Variants in KIAA0825 observed in about 807,000 individuals in gnomAD.
The protein encoded by KIAA0825 is uncharacterized protein KIAA0825.
KIAA0825 carries 119 observed loss-of-function variants against 147.6 expected under a neutral mutation model. That is an observed-to-expected ratio of 0.81 (90% CI 0.69 to 0.94). The LOEUF (loss-of-function observed/expected upper bound fraction) is 0.94, where lower values mean the gene tolerates loss of function less well. Ranked by LOEUF, KIAA0825 falls within the 40% of genes least tolerant of loss-of-function variation. The probability of loss-of-function intolerance (pLI) is 0.00; values close to 1 mark genes in which losing one functional copy is unlikely to be tolerated. For missense variants in KIAA0825, 1,381 were observed against 1,472.7 expected (o/e 0.94, Z 1.02); for synonymous variants, 470 against 518.1 (o/e 0.91, Z 1.26).
chr5:94,372,646 A>C (rs549715179), intron 20 of KIAA0825, among the ~76,000 whole-genome samples: 1 of 152,294 alleles, frequency 6.6e-6, no homozygotes, highest in African/African-American at 2.4e-5. Context: ...CAGGCCACAA[A>C]GCATTTTTCC....
intron 20 of KIAA0825, among the ~76,000 whole-genome samples, chr5:94,165,549 C>T (rs567095678): frequency 8.4e-4 from 128 of 152,270 alleles, no homozygotes; most frequent in Non-Finnish European, 1.7e-3. Context: ...AAAGAGATAT[C>T]TATACTCCTA....
At chr5:94,508,240 G>A (rs143392026) in intron 5 of KIAA0825, among the ~76,000 whole-genome samples, 159 of 152,080 alleles carry the variant, frequency 1.0e-3, no homozygotes, top group African/African-American at 3.6e-3. Flanking sequence ...CATAGCAGCT[G>A]TAATACACAA....
At chr5:94,394,118 T>C (rs1750306572) in intron 17 of KIAA0825, among the ~76,000 whole-genome samples, 1 of 151,892 alleles carries the variant, frequency 6.6e-6, no homozygotes, top group Non-Finnish European at 1.5e-5. Flanking sequence ...TCCCAAAATG[T>C]GGGGATTACA....
At chr5:94,456,411 C>T (rs1470009959) in intron 12 of KIAA0825, among the ~76,000 whole-genome samples, 1 of 152,166 alleles carries the variant, frequency 6.6e-6, no homozygotes, top group African/African-American at 2.4e-5. Flanking sequence ...CCTCATCCCC[C>T]CTCTATGCCC....
rs551494979 is a variant in KIAA0825 at position 94,364,509 on chromosome 5, G to A, written c.3710+19859C>T. On this transcript the variant is annotated intron_variant, in intron 20 of 20. Coordinates refer to ENST00000682413, the MANE Select transcript of KIAA0825 (RefSeq NM_001145678.3). ...CCATTCTCCTGCCTCAGCCTCCCGA[G>A]TAGCTGGGACTACAGGCACCTGACA... 2.1e-3 allele frequency among the ~76,000 whole-genome samples: 318 copies of A among 152,060 alleles called. 3 individuals carry two copies. Among genetic ancestry groups the A allele is most frequent in the Admixed American group, 6.3e-3 (96 of 15,274 alleles).
At chr5:94,515,773 C>CA (rs1283670837) in intron 5 of KIAA0825, among the ~76,000 whole-genome samples, 2 of 136,744 alleles carry the variant, frequency 1.5e-5, no homozygotes, top group African/African-American at 6.6e-5. Flanking sequence ...GCCTGGGCAA[C>CA]AGAGGGAGAC....
chr5:94,462,449 A>T lies in KIAA0825; in HGVS notation c.2184T>A (p.Thr728=). 1 of 1,511,206 alleles carries T rather than the reference A, an allele frequency of 6.6e-7. No homozygotes were observed. 93.6% of individuals were successfully genotyped at this position (1,511,206 alleles called of 1,614,324 possible). Residue 728 remains threonine, a synonymous_variant, in exon 12 of 21, where the codon ACT becomes ACA. Transcript: ENST00000682413. The part of the protein sequence containing the change: ...HTDDKIFKIH[T]HCNNLFTTLV... ...ATGTTGTAAACAGATTATTACAATG[A>T]GTGTGAATTTTAAAAATTTTATCAT... is the stretch of plus-strand genomic sequence containing the variant.
intron 20 of KIAA0825, among the ~76,000 whole-genome samples, chr5:94,284,699 C>T (rs925152514): frequency 6.6e-6 from 1 of 152,048 alleles, no homozygotes; most frequent in African/African-American, 2.4e-5. Flanking sequence ...ACATCTTTCC[C>T]TTTTTTTCCT....
At chr5:94,154,195 C>A in intron 20 of KIAA0825, 71 bp from the exon 21 acceptor site, 2 of 926,342 alleles carry the variant, frequency 2.2e-6, no homozygotes, top group Non-Finnish European at 3.4e-6. Flanking sequence ...TTAATCAAGT[C>A]TTGAATATGT....
Position 94,152,900 on chromosome 5 carries a change from ATAT to A in KIAA0825, c.*1104_*1106del, listed in dbSNP as rs1562284308. On this transcript the variant is annotated 3_prime_UTR_variant, in exon 21 of 21. Transcript: ENST00000682413. ...TATATATATATATATATATATATAT[ATAT>A]GGTTTCTCCCAGACGTTCTTAGACT... The A allele has an allele frequency of 3.8e-3, 156 of 41,502 alleles. 52 individuals are homozygous for A. Among genetic ancestry groups the A allele is most frequent in the South Asian group, 8.6e-3 (6 of 698 alleles). The allele number at this position is 41,502 out of a possible 1,614,324, so 2.6% of individuals were successfully genotyped here.
chr5:94,503,792 G>A (rs1765375072), intron 5 of KIAA0825, among the ~76,000 whole-genome samples: 1 of 152,112 alleles, frequency 6.6e-6, no homozygotes, highest in African/African-American at 2.4e-5. Flanking sequence ...CCTGCCACTG[G>A]GAAGCAAATA....
intron 20 of KIAA0825, among the ~76,000 whole-genome samples, chr5:94,176,309 A>T (rs1769097538): frequency 6.6e-6 from 1 of 152,128 alleles, no homozygotes; most frequent in South Asian, 2.1e-4. Flanking sequence ...ACTTTCTGCT[A>T]TGAGTGGAAG....
At chr5:94,554,971 AAT>A (rs905195462) in intron 2 of KIAA0825, among the ~76,000 whole-genome samples, 1 of 151,628 alleles carries the variant, frequency 6.6e-6, no homozygotes, top group Non-Finnish European at 1.5e-5. Flanking sequence ...ACAAAAAATT[AAT>A]ATTTTACCTC....
intron 5 of KIAA0825, among the ~76,000 whole-genome samples, chr5:94,516,256 T>A (rs907318677): frequency 6.6e-6 from 1 of 152,210 alleles, no homozygotes; most frequent in Non-Finnish European, 1.5e-5. Flanking sequence ...GCAGACAGAA[T>A]GCACTGTGGG....
At chr5:94,482,416 T>G (rs1366267676) in intron 6 of KIAA0825, among the ~76,000 whole-genome samples, 6 of 152,110 alleles carry the variant, frequency 3.9e-5, no homozygotes, top group Admixed American at 3.9e-4. Context: ...TTCCAAGATC[T>G]TTATTAGCAA....
Position 94,154,097 on chromosome 5 carries a change from T to G in KIAA0825, c.3738A>C (p.Leu1246=), listed in dbSNP as rs1411383734. ...CCAGTATTGCTTTTTCTTCCTCTTC[T>G]AGTGTTTCATCCTTCTTCATTTCCC... ...NRWEMKKDET[L]EEEEKAILEH... is the part of the protein sequence containing the mutation. The change falls in exon 21 of 21, where the codon CTA becomes CTC. Residue 1246 remains leucine, a synonymous_variant. Transcript: ENST00000682413. 1 of 1,551,314 alleles carries G rather than the reference T, an allele frequency of 6.4e-7. No individual in the cohort carries two copies. Among genetic ancestry groups the G allele is most frequent in the Non-Finnish European group, 8.7e-7 (1 of 1,146,724 alleles).
At chr5:94,432,528 G>T (rs1019994638) in intron 14 of KIAA0825, among the ~76,000 whole-genome samples, 1 of 152,176 alleles carries the variant, frequency 6.6e-6, no homozygotes, top group Non-Finnish European at 1.5e-5. Flanking sequence ...TTCTTGGATA[G>T]GATCTTTGGA....
intron 20 of KIAA0825, among the ~76,000 whole-genome samples, 190 bp from the exon 21 acceptor site, chr5:94,154,314 G>A (rs1354697081): frequency 6.6e-6 from 1 of 152,128 alleles, no homozygotes; most frequent in African/African-American, 2.4e-5. Context: ...CAGGAGAGTG[G>A]GAGACAAAAG....
intron 20 of KIAA0825, among the ~76,000 whole-genome samples, chr5:94,239,496 C>G (rs1775241194): frequency 6.6e-6 from 1 of 152,160 alleles, no homozygotes; most frequent in Admixed American, 6.5e-5. Context: ...TGTAAAGGCA[C>G]ATCATTGAAC....
Sources: allele counts gnomAD v4.1 joint callset (sites outside exome capture counted in the v4.1 genomes callset), GRCh38; gene constraint gnomAD v4.1.1; transcripts MANE v1.5; gene names NCBI Gene and HGNC (gene_info 2026-07-23, HGNC 2026-07-21).